LRFN2: variants seen among roughly 807,000 people sequenced by gnomAD.
LRFN2 encodes leucine rich repeat and fibronectin type III domain containing 2.
A neutral mutation model predicts 37.3 loss-of-function variants in LRFN2; 18 were observed. That is an observed-to-expected ratio of 0.48 (90% CI 0.33 to 0.72). The LOEUF (loss-of-function observed/expected upper bound fraction) is 0.72. Among genes scored for constraint, LRFN2 ranks in the 30% least tolerant of loss-of-function variants. The pLI is 0.02. For synonymous variants in LRFN2, 556 were observed against 466.6 expected (o/e 1.19, Z -2.47); for missense variants, 1,006 against 1,060.7 (o/e 0.95, Z 0.72).
At chr6:40,505,764 T>TC (rs1765515028) in intron 1 of LRFN2, among the ~76,000 whole-genome samples, 1 of 152,076 alleles carries the variant, frequency 6.6e-6, no homozygotes. Flanking sequence ...TCACCTATCT[T>TC]CCCCCCATGT....
intron 1 of LRFN2, chr6:40,501,564 G>C (rs1581754930): frequency 6.6e-6 from 1 of 151,886 alleles, no homozygotes; most frequent in African/African-American, 2.4e-5. Context: ...CTGAGTTCGA[G>C]CAATCCTCCT....
At chr6:40,564,224 G>T (rs866450593) in intron 1 of LRFN2, among the ~76,000 whole-genome samples, 1 of 152,064 alleles carries the variant, frequency 6.6e-6, no homozygotes. Flanking sequence ...GTCCAGTGGT[G>T]GACACAAACA....
At chr6:40,586,609 TCTC>T (rs1767507931) in intron 1 of LRFN2, among the ~76,000 whole-genome samples, 1 of 151,942 alleles carries the variant, frequency 6.6e-6, no homozygotes, top group African/African-American at 2.4e-5. Context: ...GCGGCAAAGT[TCTC>T]CTGCTGTTTT....
At chr6:40,427,495 A>G (rs1763382411) in intron 2 of LRFN2, among the ~76,000 whole-genome samples, 1 of 152,206 alleles carries the variant, frequency 6.6e-6, no homozygotes. Context: ...GCAAGGGGGC[A>G]TGTCCCTGAG....
At chr6:40,510,375 C>T (rs971149593) in intron 1 of LRFN2, among the ~76,000 whole-genome samples, 1 of 152,182 alleles carries the variant, frequency 6.6e-6, no homozygotes, top group African/African-American at 2.4e-5. Context: ...GCTGGAGATT[C>T]CCAACTGATG....
Position 40,433,067 on chromosome 6 carries a change from G to A in LRFN2, c.47C>T (p.Ala16Val), listed in dbSNP as rs769413126. The A allele has an allele frequency of 6.5e-6, 10 of 1,542,464 alleles. No individual in the cohort carries two copies. The African/African-American group carries it at 1.4e-4, about 21-fold the overall frequency. Residue 16 changes from alanine (A) to valine (V), a missense_variant, in exon 2 of 3, where the codon GCC becomes GTC. Ala to Val is a moderately conservative substitution (Grantham distance 64). This residue lies in a region of LRFN2 where 185 missense variants were observed against 254.9 expected (regional missense o/e 0.73). Transcript: ENST00000338305. ...GTACTTGGGGCAGGCGTCGACCACG[G>A]CAAACGCCATGCCAAACGCTAGCAG... ...GGLLAFGMAF[A>V]VVDACPKYCV... is the part of the protein sequence containing the mutation.
chr6:40,429,632 T>C (rs1007174026), intron 2 of LRFN2, among the ~76,000 whole-genome samples: 6 of 152,234 alleles, frequency 3.9e-5, no homozygotes, highest in African/African-American at 1.4e-4. Flanking sequence ...TAAATATTTA[T>C]ATGTAATGTA....
chr6:40,575,983 A>G (rs538752290), intron 1 of LRFN2, among the ~76,000 whole-genome samples: 134 of 152,342 alleles, frequency 8.8e-4, no homozygotes, highest in Admixed American at 1.5e-3. Context: ...CACAGGGCTC[A>G]CAGCAAGCAT....
chr6:40,571,305 T>C (rs1402309224), intron 1 of LRFN2, among the ~76,000 whole-genome samples: 1 of 152,184 alleles, frequency 6.6e-6, no homozygotes, highest in Non-Finnish European at 1.5e-5. Context: ...GCTGGTTAGG[T>C]TGGCAACACA....
intron 1 of LRFN2, among the ~76,000 whole-genome samples, chr6:40,574,327 A>T (rs1450801475): frequency 6.6e-6 from 1 of 152,166 alleles, no homozygotes; most frequent in African/African-American, 2.4e-5. Flanking sequence ...GAGCTAAGTG[A>T]CTTGCATGAG....
At chr6:40,490,612 C>T (rs139051439) in intron 1 of LRFN2, among the ~76,000 whole-genome samples, 247 of 152,340 alleles carry the variant, frequency 1.6e-3, no homozygotes, top group African/African-American at 5.7e-3. Flanking sequence ...CTGCTCTCCT[C>T]TAGAGCTCAC....
At chr6:40,577,234 C>T (rs1209145794) in intron 1 of LRFN2, among the ~76,000 whole-genome samples, 6 of 151,910 alleles carry the variant, frequency 3.9e-5, no homozygotes, top group Non-Finnish European at 7.4e-5. Flanking sequence ...CCCAAGTAGC[C>T]GGGACTACAG....
chr6:40,511,313 A>G (rs990201334), intron 1 of LRFN2, among the ~76,000 whole-genome samples: 1 of 152,206 alleles, frequency 6.6e-6, no homozygotes, highest in African/African-American at 2.4e-5. Context: ...GCCTTTGATT[A>G]GAAGATGGAT....
chr6:40,430,567 T>A (rs546559950), intron 2 of LRFN2, among the ~76,000 whole-genome samples: 82 of 152,384 alleles, frequency 5.4e-4, no homozygotes, highest in Admixed American at 3.5e-3. Context: ...AGGGAACTCA[T>A]CTGTGGTCAG....
intron 2 of LRFN2, among the ~76,000 whole-genome samples, chr6:40,419,288 G>T (rs1458509122): frequency 6.6e-6 from 1 of 152,196 alleles, no homozygotes; most frequent in Non-Finnish European, 1.5e-5. Flanking sequence ...ACTTGCTGTG[G>T]CTAGCGGGAT....
intron 1 of LRFN2, among the ~76,000 whole-genome samples, chr6:40,503,903 T>C (rs1281946494): frequency 6.7e-6 from 1 of 150,132 alleles, no homozygotes; most frequent in Non-Finnish European, 1.5e-5. Flanking sequence ...GCCCCTGTGC[T>C]GGAAAGATGG....
At chr6:40,458,825 C>A (rs996193613) in intron 1 of LRFN2, among the ~76,000 whole-genome samples, 14 of 152,208 alleles carry the variant, frequency 9.2e-5, no homozygotes, top group African/African-American at 3.4e-4. Flanking sequence ...ATGAGCCCAG[C>A]ACCCAAGGGG....
chr6:40,416,812 C>T (rs528661484), intron 2 of LRFN2, among the ~76,000 whole-genome samples: 4 of 152,332 alleles, frequency 2.6e-5, no homozygotes, highest in East Asian at 1.9e-4. Flanking sequence ...AAACCCACTT[C>T]GCCATCTCCC....
intron 1 of LRFN2, among the ~76,000 whole-genome samples, chr6:40,494,416 C>G (rs1216354475): frequency 6.6e-6 from 1 of 152,164 alleles, no homozygotes; most frequent in Non-Finnish European, 1.5e-5. Context: ...TAAGCTGCCT[C>G]AAAATGCTGC....
Sources: gnomAD v4.1 joint callset for allele counts (sites outside exome capture counted in the v4.1 genomes callset) on GRCh38, gnomAD v4.1.1 for gene constraint, gnomAD v4.1.1 regional missense constraint, MANE v1.5 for transcripts, NCBI Gene and HGNC (gene_info 2026-07-23, HGNC 2026-07-21) for gene names.